The following NFIA variants were observed in gnomAD, a reference collection of about 807,000 sequenced individuals.
The protein encoded by NFIA is nuclear factor 1 A-type.
NFIA carries 8 observed loss-of-function variants against 62.8 expected under a neutral mutation model. That is an observed-to-expected ratio of 0.13 (90% confidence interval 0.07 to 0.23). The LOEUF (loss-of-function observed/expected upper bound fraction) is 0.23. Among genes scored for constraint, NFIA ranks in the 10% least tolerant of loss-of-function variants. NFIA has a pLI of 1.00. For synonymous variants in NFIA, 235 were observed against 238.1 expected (o/e 0.99, Z 0.12); for missense variants, 410 against 642.1 (o/e 0.64, Z 3.91).
chr1:61,424,848 A>G (rs950047262), intron 9 of NFIA, among the ~76,000 whole-genome samples: 1 of 152,226 alleles, frequency 6.6e-6, no homozygotes, highest in East Asian at 1.9e-4. Context: ...TTTTAAAAAA[A>G]TTAAATTACC....
chr1:61,307,250 A>G (rs1659851055), intron 3 of NFIA, among the ~76,000 whole-genome samples: 1 of 152,126 alleles, frequency 6.6e-6, no homozygotes, highest in Non-Finnish European at 1.5e-5. Flanking sequence ...CTAGGTCATG[A>G]GGCTAGAACC....
chr1:61,352,337 C>G (rs1258414854), intron 4 of NFIA, 113 bp from the exon 5 acceptor site: 1 of 699,534 alleles, frequency 1.4e-6, no homozygotes, highest in Admixed American at 2.5e-5. Context: ...ATTTTCGATT[C>G]GCTTACATAT....
chr1:61,385,840 T>G (rs570296958), intron 7 of NFIA: 4 of 152,232 alleles, frequency 2.6e-5, no homozygotes, highest in Non-Finnish European at 4.4e-5. Flanking sequence ...GTAAGAATTA[T>G]GGAATACCAA....
intron 5 of NFIA, among the ~76,000 whole-genome samples, chr1:61,355,481 G>C (rs1381387602): frequency 1.3e-5 from 2 of 152,268 alleles, no homozygotes; most frequent in Non-Finnish European, 2.9e-5. Flanking sequence ...GCTGTCAAAA[G>C]TTTGTGAAGT....
chr1:61,101,954 A>G (rs1001527581), intron 2 of NFIA, among the ~76,000 whole-genome samples: 4 of 152,168 alleles, frequency 2.6e-5, no homozygotes, highest in South Asian at 2.1e-4. Context: ...TGGTGGCCCA[A>G]TATATATTGG....
intron 3 of NFIA, among the ~76,000 whole-genome samples, chr1:61,316,046 C>T (rs1283625297): frequency 1.3e-5 from 2 of 152,150 alleles, no homozygotes; most frequent in South Asian, 2.1e-4. Context: ...CGTCCACATA[C>T]GGACTGATAA....
In NFIA at chr1:61,398,773, C is replaced by A. The variant is rs376446392; in HGVS notation, c.1076-5331C>A. On this transcript the variant is annotated intron_variant, in intron 7 of 10. Transcript: ENST00000403491. Reference sequence around the variant, plus strand: ...TTAAAATAAATCCCTTAACTCCAAACTTCTCAGCTTTCATCAATGGCAGGC... The same window carrying A: ...TTAAAATAAATCCCTTAACTCCAAAATTCTCAGCTTTCATCAATGGCAGGC... Among the ~76,000 whole-genome samples the A allele has an allele frequency of 5.3e-5, 8 of 152,304 alleles. No individual in the cohort carries two copies. In the East Asian group the frequency reaches 5.8e-4, roughly 11 times the overall value.
At chr1:61,286,184 T>C (rs1557683074) in intron 3 of NFIA, among the ~76,000 whole-genome samples, 2 of 151,984 alleles carry the variant, frequency 1.3e-5, no homozygotes, top group South Asian at 2.1e-4. Flanking sequence ...TCCCAGCACT[T>C]TGGGAGGCCA....
chr1:61,408,244 TCA>T (rs1665940791), intron 9 of NFIA, among the ~76,000 whole-genome samples: 1 of 152,332 alleles, frequency 6.6e-6, no homozygotes, highest in East Asian at 1.9e-4. Context: ...GAGAAAACCC[TCA>T]GTGTCCAATG....
intron 2 of NFIA, among the ~76,000 whole-genome samples, chr1:61,229,820 T>G (rs1369382742): frequency 1.3e-5 from 2 of 152,220 alleles, no homozygotes; most frequent in Non-Finnish European, 2.9e-5. Flanking sequence ...ATTCCAAATT[T>G]TTTAAAACCA....
chr1:61,285,606 A>C lies in NFIA; in HGVS notation c.625+8021A>C, dbSNP rs116299586. On this transcript the variant is annotated intron_variant, in intron 3 of 10. Coordinates refer to ENST00000403491, the MANE Select transcript of NFIA (RefSeq NM_001134673.4). ...TTCAGGTTTTACTCAGCTCCAGGCA[A>C]CTCTTTTCCCCCTGGCATTAGCTTG... Among the ~76,000 whole-genome samples, 5 of 151,816 alleles carry C rather than the reference A, an allele frequency of 3.3e-5. No homozygotes were observed. In the East Asian group the frequency reaches 9.7e-4, roughly 29 times the overall value.
chr1:61,197,890 A>G (rs1311888771), intron 2 of NFIA, among the ~76,000 whole-genome samples: 1 of 152,096 alleles, frequency 6.6e-6, no homozygotes, highest in Non-Finnish European at 1.5e-5. Context: ...CTGAGGCAGG[A>G]GAATCGCTTG....
At chr1:61,375,069 T>C (rs968785167) in intron 6 of NFIA, among the ~76,000 whole-genome samples, 2 of 152,200 alleles carry the variant, frequency 1.3e-5, no homozygotes, top group Non-Finnish European at 2.9e-5. Context: ...CGTGGGATTC[T>C]TCTGTTCAGT....
rs565602450 is a variant in NFIA, at chr1:61,460,773, A to G, written c.*5453A>G. ...TGTCTGTCAGTCAGGACCTTCTGGT[A>G]TAGGTGATGTAAAATAACCGTACAA... On this transcript the variant is annotated 3_prime_UTR_variant, in exon 11 of 11. Transcript: ENST00000403491. The G allele has an allele frequency of 6.6e-6, 1 of 152,364 alleles. No individual in the cohort carries two copies. Among genetic ancestry groups the G allele is most frequent in the African/African-American group, 2.4e-5 (1 of 41,590 alleles). The allele number at this position is 152,364 out of a possible 1,614,324, so 9.4% of individuals were successfully genotyped here.
chr1:61,383,196 C>G lies in NFIA; in HGVS notation c.947-41C>G, dbSNP rs1664506379. ...TTTTAGGTTGCACAAATCATTGTTC[C>G]ATGAATTAAAGTGTACTTACCAGTT... On this transcript the variant is annotated intron_variant, in intron 6 of 10. Transcript: ENST00000403491. 1.9e-6 allele frequency: 3 copies of G among 1,606,430 alleles called. No individual in the cohort carries two copies. The African/African-American group carries it at 4.0e-5, about 21-fold the overall frequency.
intron 3 of NFIA, among the ~76,000 whole-genome samples, chr1:61,330,437 C>CT (rs372893731): frequency 1.8e-5 from 1 of 54,950 alleles, no homozygotes; most frequent in African/African-American, 7.4e-5. Context: ...AATAGATACA[C>CT]CCCCCCCACA....
In NFIA at chr1:61,126,860, C is replaced by T. The variant is rs977821525; in HGVS notation, c.559+38180C>T. Among the ~76,000 whole-genome samples, 8 of 145,390 alleles carry T rather than the reference C, an allele frequency of 5.5e-5. 1 individual carries two copies. In the Admixed American group the frequency reaches 5.6e-4, roughly 10 times the overall value. ...AGTGCAGTGGTGTGATCTTGGCTCA[C>T]TGCAACCTCCACCTCCCAGGTTCAA... is the stretch of plus-strand genomic sequence containing the variant. On this transcript the variant is annotated intron_variant, in intron 2 of 10. Coordinates refer to ENST00000403491, the MANE Select transcript of NFIA (RefSeq NM_001134673.4).
intron 1 of NFIA, among the ~76,000 whole-genome samples, chr1:61,086,649 A>G (rs979012285): frequency 6.6e-6 from 1 of 152,182 alleles, no homozygotes; most frequent in African/African-American, 2.4e-5. Context: ...GTATTAATAT[A>G]TACTTACTTT....
chr1:61,096,370 T>G lies in NFIA; in HGVS notation c.559+7690T>G, dbSNP rs572728366. Among the ~76,000 whole-genome samples the G allele has an allele frequency of 5.3e-5, 8 of 151,048 alleles. No individual in the cohort carries two copies. In the South Asian group the frequency reaches 1.7e-3, roughly 32 times the overall value. On this transcript the variant is annotated intron_variant, in intron 2 of 10. Transcript: ENST00000403491. ...CTGTGATTACAGGCATGCACCCCCA[T>G]GCATGTAATTTTTAGTAGAGACAGG...
Sources: allele counts gnomAD v4.1 joint callset (sites outside exome capture counted in the v4.1 genomes callset), GRCh38; gene constraint gnomAD v4.1.1; transcripts MANE v1.5; gene names NCBI Gene and HGNC (gene_info 2026-07-23, HGNC 2026-07-21).